Variants in GPR39 observed in about 807,000 individuals in gnomAD.
GPR39 encodes G protein-coupled receptor 39, also known as zinc sensing receptor.
GPR39 carries 23 observed loss-of-function variants against 18.4 expected under a neutral mutation model. That is an observed-to-expected ratio of 1.25 (90% CI 0.90 to 1.77). GPR39 has a LOEUF of 1.77. Ranked by LOEUF, GPR39 falls within the 40% of genes most tolerant of loss-of-function variation. The pLI, the probability that GPR39 is intolerant of heterozygous loss-of-function variation, is 0.00. For synonymous variants in GPR39, 280 were observed against 257.9 expected (o/e 1.09, Z -0.82); for missense variants, 647 against 602.4 (o/e 1.07, Z -0.78).
At chr2:132,473,846 T>C (rs530785260) in intron 1 of GPR39, among the ~76,000 whole-genome samples, 10 of 152,322 alleles carry the variant, frequency 6.6e-5, no homozygotes, top group Admixed American at 3.9e-4. Flanking sequence ...TTGCATCCAA[T>C]TTATCCAGGC....
At chr2:132,456,077 G>A (rs1680722674) in intron 1 of GPR39, among the ~76,000 whole-genome samples, 2 of 152,030 alleles carry the variant, frequency 1.3e-5, no homozygotes, top group Admixed American at 1.3e-4. Context: ...TTGACAGTGG[G>A]GTGTTAAAGT....
chr2:132,549,321 G>A (rs1464885878), intron 1 of GPR39, among the ~76,000 whole-genome samples: 1 of 152,178 alleles, frequency 6.6e-6, no homozygotes, highest in African/African-American at 2.4e-5. Context: ...GCATTCGAGG[G>A]AGGTCTACTG....
intron 1 of GPR39, among the ~76,000 whole-genome samples, chr2:132,461,245 C>T (rs2104777111): frequency 6.6e-6 from 1 of 152,228 alleles, no homozygotes; most frequent in African/African-American, 2.4e-5. Flanking sequence ...AGTCTACAGC[C>T]CTCGACTCTG....
chr2:132,609,586 A>G (rs897656753), intron 1 of GPR39, among the ~76,000 whole-genome samples: 1 of 152,166 alleles, frequency 6.6e-6, no homozygotes, highest in Non-Finnish European at 1.5e-5. Context: ...TCTCTCCAGC[A>G]CAAGGAGCTT....
intron 1 of GPR39, among the ~76,000 whole-genome samples, chr2:132,475,329 G>A (rs150149356): frequency 4.4e-4 from 66 of 151,566 alleles, no homozygotes; most frequent in Admixed American, 1.3e-3. Flanking sequence ...ATAGAATAGG[G>A]CCTGTATATC....
chr2:132,438,879 C>A (rs3748861), intron 1 of GPR39, among the ~76,000 whole-genome samples: 22,223 of 152,148 alleles, frequency 0.15, 2,040 homozygotes, highest in Admixed American at 0.2. Flanking sequence ...TCCTGGCTTC[C>A]ATGGCTGTCG....
chr2:132,621,907 G>A (rs1403942921), intron 1 of GPR39, among the ~76,000 whole-genome samples: 2 of 152,100 alleles, frequency 1.3e-5, no homozygotes, highest in Non-Finnish European at 2.9e-5. Context: ...CTTCCATAGG[G>A]TGCTGGGGTG....
intron 1 of GPR39, among the ~76,000 whole-genome samples, chr2:132,564,005 GA>G (rs1184099418): frequency 6.6e-6 from 1 of 152,170 alleles, no homozygotes. Flanking sequence ...GCAAAGCCTT[GA>G]AACCACTGCT....
intron 1 of GPR39, among the ~76,000 whole-genome samples, chr2:132,514,156 C>T (rs1351666959): frequency 6.6e-6 from 1 of 152,126 alleles, no homozygotes; most frequent in Admixed American, 6.5e-5. Context: ...ACTGTTAAGG[C>T]AGCACTGGTC....
At chr2:132,509,710 A>G (rs1270235274) in intron 1 of GPR39, among the ~76,000 whole-genome samples, 4 of 152,180 alleles carry the variant, frequency 2.6e-5, no homozygotes, top group African/African-American at 4.8e-5. Flanking sequence ...GAAGGTCTCA[A>G]AGAGACAAAA....
At chr2:132,548,364 C>G (rs1328591019) in intron 1 of GPR39, among the ~76,000 whole-genome samples, 1 of 152,170 alleles carries the variant, frequency 6.6e-6, no homozygotes, top group Non-Finnish European at 1.5e-5. Flanking sequence ...GAAACTAACT[C>G]AACTTTTCAT....
chr2:132,522,961 G>A (rs1259596477), intron 1 of GPR39, among the ~76,000 whole-genome samples: 1 of 152,144 alleles, frequency 6.6e-6, no homozygotes, highest in East Asian at 1.9e-4. Context: ...ATGTGCATGT[G>A]GCTACTGGAA....
At chr2:132,444,040 A>G (rs905329682) in intron 1 of GPR39, among the ~76,000 whole-genome samples, 1 of 152,136 alleles carries the variant, frequency 6.6e-6, no homozygotes, top group South Asian at 2.1e-4. Context: ...GCCCCACTGC[A>G]CTCCAGCCTA....
At chr2:132,499,445 G>C (rs189421417) in intron 1 of GPR39, among the ~76,000 whole-genome samples, 110 of 152,188 alleles carry the variant, frequency 7.2e-4, no homozygotes, top group Admixed American at 5.5e-3. Context: ...TGCTGTTTTG[G>C]TGACTATGGC....
chr2:132,437,088 G>A (rs1241586872), intron 1 of GPR39, among the ~76,000 whole-genome samples: 1 of 152,154 alleles, frequency 6.6e-6, no homozygotes, highest in Non-Finnish European at 1.5e-5. Flanking sequence ...GACCCAGGCA[G>A]GTTGGCTACA....
Position 132,645,638 on chromosome 2 carries a change from G to T in GPR39, c.*32G>T, listed in dbSNP as rs374523079. 2.2e-5 allele frequency: 35 copies of T among 1,587,544 alleles called. No homozygotes were observed. In the East Asian group the frequency reaches 4.9e-4, roughly 22 times the overall value. Reference sequence around the variant, plus strand: ...AGCGAGGGAGCCTTGAGTGGGAACTGGCCCTCCAGCCCTAAGAAAACGTCA... The same window carrying T: ...AGCGAGGGAGCCTTGAGTGGGAACTTGCCCTCCAGCCCTAAGAAAACGTCA... On this transcript the variant is annotated 3_prime_UTR_variant, in exon 2 of 2. Transcript: ENST00000329321.
intron 1 of GPR39, among the ~76,000 whole-genome samples, chr2:132,514,726 C>T (rs140941416): frequency 6.6e-6 from 1 of 152,190 alleles, no homozygotes; most frequent in African/African-American, 2.4e-5. Context: ...CTGGACTTGG[C>T]CCTAGATATA....
At chr2:132,626,202 G>T (rs1681542735) in intron 1 of GPR39, among the ~76,000 whole-genome samples, 1 of 152,082 alleles carries the variant, frequency 6.6e-6, no homozygotes, top group Admixed American at 6.6e-5. Flanking sequence ...AGAATCCAAG[G>T]CTACTGTGCT....
intron 1 of GPR39, among the ~76,000 whole-genome samples, chr2:132,518,907 T>A (rs11889041): frequency 6.6e-6 from 1 of 152,044 alleles, no homozygotes; most frequent in Non-Finnish European, 1.5e-5. Flanking sequence ...CTAGCCTCCT[T>A]TCAAATGAAC....
Sources: gnomAD v4.1 joint callset for allele counts (sites outside exome capture counted in the v4.1 genomes callset) on GRCh38, gnomAD v4.1.1 for gene constraint, MANE v1.5 for transcripts, NCBI Gene and HGNC (gene_info 2026-07-23, HGNC 2026-07-21) for gene names.